C11orf71: variants seen among roughly 807,000 people sequenced by gnomAD.
C11orf71 encodes uncharacterized protein C11orf71.
For synonymous variants in C11orf71, 72 were observed against 73.4 expected (o/e 0.98, Z 0.09); for missense variants, 179 against 167.6 (o/e 1.07, Z -0.38).
chr11:114,392,038 T>C (rs1946076988), intron 1 of C11orf71, among the ~76,000 whole-genome samples: 1 of 152,186 alleles, frequency 6.6e-6, no homozygotes, highest in Non-Finnish European at 1.5e-5. Flanking sequence ...GTTTAACATG[T>C]GGAGCAATAT....
downstream of C11orf71, among the ~76,000 whole-genome samples, chr11:114,397,589 C>CA (rs1946138900): frequency 6.6e-6 from 1 of 152,184 alleles, no homozygotes; most frequent in Admixed American, 6.5e-5. Context: ...CACTATTATT[C>CA]AACCAAAGCC....
intron 1 of C11orf71, among the ~76,000 whole-genome samples, chr11:114,392,869 A>G (rs1339416915): frequency 6.6e-6 from 1 of 152,166 alleles, no homozygotes; most frequent in Non-Finnish European, 1.5e-5. Context: ...TGCATAGTCA[A>G]CAAGTGAATA....
At chr11:114,395,628 A>T (rs1369974930), downstream of C11orf71, among the ~76,000 whole-genome samples, 1 of 152,240 alleles carries the variant, frequency 6.6e-6, no homozygotes, top group African/African-American at 2.4e-5. Context: ...GGAGCCAAGT[A>T]AACTGTTACT....
At chr11:114,394,179 G>GTTTCTTTTCTTTTCTTTTCT (rs1226365240), downstream of C11orf71, among the ~76,000 whole-genome samples, 273 of 80,218 alleles carry the variant, frequency 3.4e-3, 8 homozygotes, top group South Asian at 0.01. Context: ...ACGGGGTTTC[G>GTTTCTTTTCTTTTCTTTTCT]TTTCTTTTCT....
chr11:114,392,465 G>A (rs1195164140), intron 1 of C11orf71, among the ~76,000 whole-genome samples: 1 of 140,070 alleles, frequency 7.1e-6, no homozygotes, highest in Non-Finnish European at 1.5e-5. Context: ...TGGAACCCGG[G>A]AGATGGAGGT....
downstream of C11orf71, among the ~76,000 whole-genome samples, chr11:114,397,605 C>A (rs1404882571): frequency 6.6e-6 from 1 of 152,246 alleles, no homozygotes; most frequent in Non-Finnish European, 1.5e-5. Flanking sequence ...AAGCCCTATT[C>A]TTGATGACCC....
At chr11:114,394,212 T>TC (rs1478615938), downstream of C11orf71, among the ~76,000 whole-genome samples, 14 of 58,454 alleles carry the variant, frequency 2.4e-4, 1 homozygote, top group African/African-American at 1.5e-3. Context: ...TCTTTTCTTT[T>TC]CTTTTCTTTT....
chr11:114,400,445 C>G lies in C11orf71; in HGVS notation c.-114G>C, dbSNP rs1263634783. ...ACCCGATGACTAAGCACACAGGAAC[C>G]CATAACTGAGCCTGCGGAAGAGCCA... On this transcript the variant is annotated 5_prime_UTR_variant, in exon 1 of 1. Coordinates refer to ENST00000623205, the MANE Select transcript of C11orf71 (RefSeq NM_001271562.2). The G allele has an allele frequency of 7.2e-7, 1 of 1,387,858 alleles. No homozygotes were observed. The highest frequency in any genetic ancestry group is 9.6e-7 in the Non-Finnish European group (1 of 1,040,088). 86.0% of individuals were successfully genotyped at this position (1,387,858 alleles called of 1,614,324 possible).
Position 114,400,503 on chromosome 11 carries a change from G to A in C11orf71, c.-172C>T, listed in dbSNP as rs1253745161. The A allele has an allele frequency of 7.0e-6, 9 of 1,281,260 alleles. No individual in the cohort carries two copies. Among genetic ancestry groups the A allele is most frequent in the African/African-American group, 1.5e-5 (1 of 66,882 alleles). The allele number at this position is 1,281,260 out of a possible 1,614,324, so 79.4% of individuals were successfully genotyped here. On this transcript the variant is annotated 5_prime_UTR_variant, in exon 1 of 1. Transcript: ENST00000623205. Reference sequence around the variant, plus strand: ...CCTTGCCTTTAACGAGGGGTATCCTGGCGAGCATGCGCAGACCGTCCGCGC... The same window carrying A: ...CCTTGCCTTTAACGAGGGGTATCCTAGCGAGCATGCGCAGACCGTCCGCGC...
downstream of C11orf71, among the ~76,000 whole-genome samples, chr11:114,394,188 C>G (rs1032370592): frequency 2.1e-5 from 1 of 47,466 alleles, no homozygotes; most frequent in African/African-American, 9.6e-5. Context: ...CGTTTCTTTT[C>G]TTTTCTTTTC....
chr11:114,395,859 A>G (rs1946127240), downstream of C11orf71, among the ~76,000 whole-genome samples: 1 of 152,228 alleles, frequency 6.6e-6, no homozygotes, highest in Admixed American at 6.5e-5. Context: ...GTTGAACCTT[A>G]TCAAACCAGG....
intron 1 of C11orf71, among the ~76,000 whole-genome samples, chr11:114,393,097 T>C (rs1001461347): frequency 2.6e-5 from 4 of 152,258 alleles, no homozygotes; most frequent in African/African-American, 4.8e-5. Flanking sequence ...TGCAGACTTA[T>C]GTTTCTCAAA....
At position 114,399,586 on chromosome 11, in the gene C11orf71, G is replaced by A. The variant is rs555584909; in HGVS notation, c.*374C>T. 3.3e-5 allele frequency: 6 copies of A among 179,192 alleles called. No homozygotes were observed. The highest frequency in any genetic ancestry group is 7.1e-5 in the Non-Finnish European group (6 of 84,940). The allele number at this position is 179,192 out of a possible 1,614,324, so 11.1% of individuals were successfully genotyped here. A position where few individuals can be genotyped will look rare whatever the true frequency, so the allele number is the denominator to read the frequency against. On this transcript the variant is annotated 3_prime_UTR_variant, in exon 1 of 1. Coordinates refer to ENST00000623205, the MANE Select transcript of C11orf71 (RefSeq NM_001271562.2). ...AGATGGTAAATGCCAAGGAAAAGAT[G>A]GAAGGATAAATCAGTGTAATAAAAA...
downstream of C11orf71, among the ~76,000 whole-genome samples, chr11:114,394,191 TTC>T (rs765476321): frequency 2.3e-5 from 1 of 43,866 alleles, no homozygotes; most frequent in Non-Finnish European, 4.3e-5. Context: ...TTCTTTTCTT[TTC>T]TTTTCTTTTC....
At position 114,399,823 on chromosome 11, in the gene C11orf71, A is replaced by G; in HGVS notation, c.*137T>C. On this transcript the variant is annotated 3_prime_UTR_variant, in exon 1 of 1. Coordinates refer to ENST00000623205, the MANE Select transcript of C11orf71 (RefSeq NM_001271562.2). ...GTTACACTTCCCTTAGTGCTAGGAC[A>G]TATTCATATAACTCCCACGTATTAA... is the stretch of plus-strand genomic sequence containing the variant. The G allele has an allele frequency of 8.2e-7, 1 of 1,217,788 alleles. No homozygotes were observed. Among genetic ancestry groups the G allele is most frequent in the South Asian group, 1.6e-5 (1 of 61,620 alleles). 75.4% of individuals were successfully genotyped at this position (1,217,788 alleles called of 1,614,324 possible).
At position 114,400,153 on chromosome 11, in the gene C11orf71, C is replaced by T; in HGVS notation, c.179G>A (p.Ser60Asn). 1 of 1,613,888 alleles carries T rather than the reference C, an allele frequency of 6.2e-7. No homozygotes were observed. Among genetic ancestry groups the T allele is most frequent in the Non-Finnish European group, 8.5e-7 (1 of 1,179,882 alleles). ...HLGPRQAVRPSVRAESRRVDG... is the reference protein window; with the variant it reads ...HLGPRQAVRPNVRAESRRVDG... ...CACTCGACGGCTCTCGGCCCGAACG[C>T]TTGGTCGCACCGCCTGCCGAGGTCC... The change falls in exon 1 of 1, where the codon AGC (serine) becomes AAC (asparagine). Residue 60 changes from serine to asparagine, a missense_variant. By Grantham distance (46) the Ser-to-Asn change is conservative (BLOSUM62 1). Coordinates refer to ENST00000623205, the MANE Select transcript of C11orf71 (RefSeq NM_001271562.2).
chr11:114,391,621 A>C, exon 2 of C11orf71: 1 of 1,540,310 alleles, frequency 6.5e-7, no homozygotes, highest in Non-Finnish European at 8.8e-7. Context: ...CACCATCTTA[A>C]ATCAGGGGTT....
At chr11:114,394,212 T>TCTTTC (rs1946099879), downstream of C11orf71, among the ~76,000 whole-genome samples, 1 of 58,452 alleles carries the variant, frequency 1.7e-5, no homozygotes, top group Admixed American at 1.9e-4. Context: ...TCTTTTCTTT[T>TCTTTC]CTTTTCTTTT....
At chr11:114,394,219 TTTTCTTTTC>T (rs1481834435), downstream of C11orf71, among the ~76,000 whole-genome samples, 532 of 41,054 alleles carry the variant, frequency 0.013, 20 homozygotes, top group South Asian at 0.026. Context: ...TTTTCTTTTC[TTTTCTTTTC>T]TTTCTTTTCT....
Sources: allele counts gnomAD v4.1 joint callset (sites outside exome capture counted in the v4.1 genomes callset), GRCh38; gene constraint gnomAD v4.1.1; transcripts MANE v1.5; gene names NCBI Gene and HGNC (gene_info 2026-07-23, HGNC 2026-07-21).